Variants in RARB observed in about 807,000 individuals in gnomAD.
RARB encodes HBV-activated protein.
Under a neutral mutation model 51.9 loss-of-function variants are expected in RARB, and 17 were observed. The observed-to-expected ratio is 0.33, with a 90% confidence interval of 0.22 to 0.49. The LOEUF is 0.49. RARB is among the 20% of genes least tolerant of loss of function. RARB has a pLI of 0.99. For missense variants in RARB, 369 were observed against 550.8 expected, an observed-to-expected ratio of 0.67 and a Z score of 3.30; for synonymous variants, 215 against 195.4, an observed-to-expected ratio of 1.10 and a Z score of -0.84.
chr3:25,231,045 C>A (rs1702165027), intron 5 of RARB, among the ~76,000 whole-genome samples: 1 of 152,026 alleles, frequency 6.6e-6, no homozygotes, highest in African/African-American at 2.4e-5. Context: ...TAACAAAATA[C>A]AGAATGTGCT....
intron 5 of RARB, among the ~76,000 whole-genome samples, chr3:25,373,239 CA>C (rs1000337732): frequency 1.2e-4 from 18 of 151,930 alleles, no homozygotes; most frequent in African/African-American, 4.4e-4. Context: ...AAGCCATCAT[CA>C]AGATGAGTGA....
At chr3:24,910,631 C>T (rs1267473704) in intron 2 of RARB, among the ~76,000 whole-genome samples, 1 of 152,154 alleles carries the variant, frequency 6.6e-6, no homozygotes, top group African/African-American at 2.4e-5. Flanking sequence ...TGCTCCTGGT[C>T]TGGTAGTTTT....
At chr3:24,945,991 C>T (rs548512109) in intron 2 of RARB, among the ~76,000 whole-genome samples, 1 of 152,158 alleles carries the variant, frequency 6.6e-6, no homozygotes, top group Non-Finnish European at 1.5e-5. Context: ...GCTGGCCAGG[C>T]GCGGTGGCTC....
intron 3 of RARB, among the ~76,000 whole-genome samples, chr3:25,539,462 C>A (rs1040776723): frequency 6.6e-6 from 1 of 151,170 alleles, no homozygotes; most frequent in Non-Finnish European, 1.5e-5. Flanking sequence ...TTTCAGTGGT[C>A]GCTTTTGTGG....
chr3:25,551,109 G>T lies in RARB; in HGVS notation c.449-18649G>T, dbSNP rs567658750. On this transcript the variant is annotated intron_variant, in intron 3 of 7. Transcript: ENST00000330688. ...AAAATCATCTTTGAAGGCTTGAAGG[G>T]CAGGGTCTTAGCAGAGTAGTTAGGA... Among the ~76,000 whole-genome samples the T allele has an allele frequency of 7.9e-5, 12 of 152,244 alleles. No individual in the cohort carries two copies. In the South Asian group the frequency reaches 2.3e-3, roughly 29 times the overall value.
At chr3:25,499,571 C>T (rs577329773) in intron 2 of RARB, among the ~76,000 whole-genome samples, 13 of 152,256 alleles carry the variant, frequency 8.5e-5, no homozygotes, top group South Asian at 6.2e-4. Context: ...TTTATTTCAT[C>T]GGTGTTTCCC....
intron 5 of RARB, among the ~76,000 whole-genome samples, chr3:25,419,975 C>T (rs528371720): frequency 4.6e-5 from 7 of 152,162 alleles, no homozygotes; most frequent in Admixed American, 2.6e-4. Context: ...GAGAAGCTTT[C>T]GAAGCTCTTG....
At chr3:25,073,477 G>C (rs1183183971) in intron 3 of RARB, among the ~76,000 whole-genome samples, 1 of 152,198 alleles carries the variant, frequency 6.6e-6, no homozygotes, top group Non-Finnish European at 1.5e-5. Context: ...GTAACAGTTT[G>C]AGAAACAGTG....
At chr3:24,963,940 G>T (rs1252184002) in intron 2 of RARB, among the ~76,000 whole-genome samples, 1 of 152,094 alleles carries the variant, frequency 6.6e-6, no homozygotes, top group Non-Finnish European at 1.5e-5. Flanking sequence ...GAGTTTTAGT[G>T]AATCGCCTTG....
At position 25,192,944 on chromosome 3, in the gene RARB, C is replaced by G. The variant is rs117014802; in HGVS notation, c.178+18369C>G. On this transcript the variant is annotated intron_variant, in intron 5 of 11. Coordinates refer to the RARB transcript ENST00000383772. Reference sequence around the variant, plus strand: ...TACATCTGTAAATGGAACCAAGAGCCAGGCCCTCATGAAGCTTACATTCTA... The same window carrying G: ...TACATCTGTAAATGGAACCAAGAGCGAGGCCCTCATGAAGCTTACATTCTA... 2.2e-3 allele frequency among the ~76,000 whole-genome samples: 336 copies of G among 152,110 alleles called. 3 individuals are homozygous for G. Among genetic ancestry groups the G allele is most frequent in the East Asian group, 0.021 (106 of 5,158 alleles).
intron 1 of RARB, among the ~76,000 whole-genome samples, chr3:25,450,271 C>T (rs931701767): frequency 6.6e-5 from 10 of 152,220 alleles, no homozygotes; most frequent in Non-Finnish European, 1.2e-4. Context: ...ATCCACTTTT[C>T]CCCAGATAAT....
chr3:25,559,033 T>A (rs1190201513), intron 3 of RARB, among the ~76,000 whole-genome samples: 1 of 152,142 alleles, frequency 6.6e-6, no homozygotes, highest in Admixed American at 6.6e-5. Flanking sequence ...TGGAAGTATT[T>A]TCTCATATCT....
intron 5 of RARB, among the ~76,000 whole-genome samples, chr3:25,356,368 A>G (rs569221623): frequency 4.6e-5 from 7 of 152,262 alleles, no homozygotes; most frequent in East Asian, 1.9e-4. Flanking sequence ...TTTTATTTAC[A>G]TTAAATATTC....
intron 4 of RARB, among the ~76,000 whole-genome samples, chr3:25,142,461 C>T (rs1469270316): frequency 6.6e-6 from 1 of 152,176 alleles, no homozygotes; most frequent in Non-Finnish European, 1.5e-5. Context: ...TGCCGGATAC[C>T]TTTATAAGCT....
chr3:25,399,996 C>T lies in RARB; in HGVS notation c.179-61197C>T, dbSNP rs1393682441. 2.6e-5 allele frequency among the ~76,000 whole-genome samples: 4 copies of T among 152,244 alleles called. No individual in the cohort carries two copies. In the South Asian group the frequency reaches 8.3e-4, roughly 32 times the overall value. ...CGGGGATAAGAAATAATAAGACTTA[C>T]CTCTGAGGATTCTCCTAAAGAGTTA... On this transcript the variant is annotated intron_variant, in intron 5 of 11. Transcript: ENST00000383772.
chr3:25,352,931 C>A (rs1364685570), intron 5 of RARB, among the ~76,000 whole-genome samples: 1 of 152,182 alleles, frequency 6.6e-6, no homozygotes, highest in Non-Finnish European at 1.5e-5. Flanking sequence ...CTTTTCTCAT[C>A]TGTGTAACAT....
chr3:25,543,452 G>C (rs1380154640), intron 3 of RARB, among the ~76,000 whole-genome samples: 1 of 152,086 alleles, frequency 6.6e-6, no homozygotes, highest in Admixed American at 6.5e-5. Context: ...ATTAAACCGT[G>C]TACTTCAAGA....
chr3:24,975,816 A>T (rs1346550317), intron 2 of RARB, among the ~76,000 whole-genome samples: 3 of 152,126 alleles, frequency 2.0e-5, no homozygotes, highest in African/African-American at 4.8e-5. Flanking sequence ...CACGTGCACA[A>T]CGTGCAGGTT....
intron 3 of RARB, among the ~76,000 whole-genome samples, chr3:25,073,874 T>A (rs1408708018): frequency 6.6e-6 from 1 of 152,330 alleles, no homozygotes; most frequent in Middle Eastern, 3.4e-3. Flanking sequence ...GACTTTCTTA[T>A]TCAGAGTGTT....
Sources: gnomAD v4.1 joint callset for allele counts (sites outside exome capture counted in the v4.1 genomes callset) on GRCh38, gnomAD v4.1.1 for gene constraint, MANE v1.5 for transcripts, NCBI Gene and HGNC (gene_info 2026-07-23, HGNC 2026-07-21) for gene names.